GNB5: variants seen among roughly 807,000 people sequenced by gnomAD.
GNB5 encodes G protein subunit beta 5, also known as guanine nucleotide-binding protein subunit beta-5.
In GNB5, 37 loss-of-function variants were observed where a neutral mutation model predicts 55.3. The ratio of observed to expected loss-of-function variants is 0.67; its 90% confidence interval spans 0.51 to 0.88. GNB5 has a LOEUF of 0.88. Ranked by LOEUF, GNB5 falls within the 40% of genes least tolerant of loss-of-function variation. The probability of loss-of-function intolerance (pLI) is 0.00; values close to 1 mark genes in which losing one functional copy is unlikely to be tolerated. For synonymous variants in GNB5, 219 were observed against 198.5 expected, an observed-to-expected ratio of 1.10 and a Z score of -0.87; for missense variants, 476 against 515.3, an observed-to-expected ratio of 0.92 and a Z score of 0.74.
intron 3 of GNB5, among the ~76,000 whole-genome samples, chr15:52,178,318 C>T (rs529186640): frequency 6.6e-6 from 1 of 152,290 alleles, no homozygotes; most frequent in East Asian, 1.9e-4. Context: ...CCATGTTGGC[C>T]AGGCTGGTCT....
At chr15:52,130,715 C>T (rs1359123163) in intron 9 of GNB5, among the ~76,000 whole-genome samples, 1 of 152,212 alleles carries the variant, frequency 6.6e-6, no homozygotes, top group Non-Finnish European at 1.5e-5. Context: ...GCCCTGGAAA[C>T]CAGGGGGGCT....
At chr15:52,142,323 A>G (rs1315345874) in intron 6 of GNB5, among the ~76,000 whole-genome samples, 1 of 152,254 alleles carries the variant, frequency 6.6e-6, no homozygotes, top group Non-Finnish European at 1.5e-5. Context: ...AAGGCTTTAC[A>G]TGATTATCCT....
intron 1 of GNB5, among the ~76,000 whole-genome samples, chr15:52,188,554 T>C (rs80034799): frequency 0.012 from 1,778 of 152,310 alleles, 30 homozygotes; most frequent in African/African-American, 0.041. Flanking sequence ...GTTGTACTTA[T>C]TGTCAATATC....
At chr15:52,146,047 C>T (rs1016215280) in intron 6 of GNB5, among the ~76,000 whole-genome samples, 1 of 151,030 alleles carries the variant, frequency 6.6e-6, no homozygotes, top group African/African-American at 2.4e-5. Flanking sequence ...AGCTCCGCCT[C>T]CTGGGTTCAC....
chr15:52,144,664 T>A (rs1479859054), intron 6 of GNB5, among the ~76,000 whole-genome samples: 1 of 152,044 alleles, frequency 6.6e-6, no homozygotes, highest in African/African-American at 2.4e-5. Flanking sequence ...TCAGGTCTGA[T>A]CTCCAGAGGA....
At chr15:52,169,029 C>G (rs1300203786) in intron 3 of GNB5, among the ~76,000 whole-genome samples, 1 of 152,178 alleles carries the variant, frequency 6.6e-6, no homozygotes, top group Non-Finnish European at 1.5e-5. Context: ...AGAAGAAAAT[C>G]TAGGCAATAC....
intron 3 of GNB5, among the ~76,000 whole-genome samples, chr15:52,157,898 T>TA (rs34439773): frequency 0.21 from 30,396 of 147,384 alleles, 3,186 homozygotes; most frequent in Admixed American, 0.31. Context: ...ATTAGGAAGT[T>TA]AAAAAAAAAA....
chr15:52,183,100 C>T (rs968337949), intron 2 of GNB5, among the ~76,000 whole-genome samples: 2 of 152,108 alleles, frequency 1.3e-5, no homozygotes, highest in African/African-American at 4.8e-5. Flanking sequence ...TGCAGTGAGC[C>T]GAGATCGTGC....
chr15:52,151,187 T>C (rs973733255), intron 4 of GNB5, among the ~76,000 whole-genome samples: 1 of 152,146 alleles, frequency 6.6e-6, no homozygotes, highest in African/African-American at 2.4e-5. Flanking sequence ...AGTAAGCCTT[T>C]AGCGCAGAAA....
intron 9 of GNB5, among the ~76,000 whole-genome samples, chr15:52,129,431 C>A (rs1443518407): frequency 6.6e-6 from 1 of 152,154 alleles, no homozygotes; most frequent in African/African-American, 2.4e-5. Flanking sequence ...GCCTGAAAGA[C>A]GGGGATGGAG....
At chr15:52,184,720 G>A (rs765635029) in intron 1 of GNB5, 26 bp from the exon 2 acceptor site, 2 of 1,595,460 alleles carry the variant, frequency 1.3e-6, no homozygotes, top group Non-Finnish European at 1.7e-6. Context: ...AAGAAGGGAG[G>A]GGGTGTGAGA....
chr15:52,142,717 C>G (rs750077567), intron 6 of GNB5, among the ~76,000 whole-genome samples: 27 of 152,132 alleles, frequency 1.8e-4, no homozygotes, highest in Non-Finnish European at 3.1e-4. Context: ...TTGTAGGGAA[C>G]AATATTTAAA....
chr15:52,149,927 T>C lies in GNB5; in HGVS notation c.376-2A>G. ...ATCCCACACGATCACCTTCCCATCC[T>C]GGAGGGAGAAGAGCAAACAGTTTAG... On this transcript the variant is annotated splice_acceptor_variant, in intron 4 of 12. Coordinates refer to ENST00000261837, the MANE Select transcript of GNB5 (RefSeq NM_016194.4). LOFTEE classifies it high-confidence loss of function. The C allele has an allele frequency of 6.2e-7, 1 of 1,609,564 alleles. No individual in the cohort carries two copies. Among genetic ancestry groups the C allele is most frequent in the South Asian group, 1.1e-5 (1 of 90,936 alleles).
chr15:52,155,665 CCA>C (rs1372658041), intron 3 of GNB5, among the ~76,000 whole-genome samples: 2 of 152,142 alleles, frequency 1.3e-5, no homozygotes, highest in African/African-American at 4.8e-5. Context: ...TATTTAGCCT[CCA>C]GTTATGTGGC....
chr15:52,140,664 G>C (rs1343664934), intron 7 of GNB5, among the ~76,000 whole-genome samples: 4 of 152,226 alleles, frequency 2.6e-5, no homozygotes, highest in Non-Finnish European at 5.9e-5. Flanking sequence ...AAGTGATAAA[G>C]GTTGTGTTGT....
chr15:52,147,198 C>G, intron 6 of GNB5: 5 of 230,838 alleles, frequency 2.2e-5, no homozygotes, highest in Admixed American at 1.2e-4. Flanking sequence ...GAGATGGGGT[C>G]TTGCTATGTT....
chr15:52,169,307 C>A lies in GNB5; in HGVS notation c.238+10461G>T, dbSNP rs141443860. On this transcript the variant is annotated intron_variant, in intron 3 of 12. Transcript: ENST00000261837. ...TGCACTCCAGCCTGGGTGACTGAGG[C>A]AGGCAGATCACCTGAAGTCAGGAGT... 3.7e-3 allele frequency among the ~76,000 whole-genome samples: 553 copies of A among 149,978 alleles called. 1 individual carries two copies. Among genetic ancestry groups the A allele is most frequent in the African/African-American group, 0.013 (530 of 40,704 alleles).
intron 8 of GNB5, among the ~76,000 whole-genome samples, chr15:52,135,279 G>C (rs954634538): frequency 6.6e-6 from 1 of 152,092 alleles, no homozygotes; most frequent in Non-Finnish European, 1.5e-5. Context: ...ATTTACTTGA[G>C]GAATGACATT....
chr15:52,179,828 C>T lies in GNB5; in HGVS notation c.178G>A (p.Glu60Lys), dbSNP rs758394979. Residue 60 changes from glutamate to lysine, a missense_variant, in exon 3 of 13, where the codon GAG becomes AAG. By Grantham distance (56) the Glu-to-Lys change is moderately conservative. Transcript: ENST00000261837. The stretch of plus-strand genomic sequence containing the variant: ...AGCTTGCCCTTGAGGCTCTCGGCCT[C>T]GCTCTTCAGCGACGCCAGCGTCTCG... ...ENETLASLKS[E>K]AESLKGKLEE... The T allele has an allele frequency of 1.9e-6, 3 of 1,554,582 alleles. No individual in the cohort carries two copies. Among genetic ancestry groups the T allele is most frequent in the Admixed American group, 1.8e-5 (1 of 54,098 alleles).
Sources: allele counts gnomAD v4.1 joint callset (sites outside exome capture counted in the v4.1 genomes callset), GRCh38; gene constraint gnomAD v4.1.1; transcripts MANE v1.5; gene names NCBI Gene and HGNC (gene_info 2026-07-23, HGNC 2026-07-21).